Variants in KDM4B observed in about 807,000 individuals in gnomAD.
The protein encoded by KDM4B is lysine demethylase 4B, also known as lysine-specific demethylase 4B.
A neutral mutation model predicts 125.2 loss-of-function variants in KDM4B; 32 were observed. The observed-to-expected ratio is 0.26, with a 90% confidence interval of 0.19 to 0.34. The LOEUF is 0.34. Among genes scored for constraint, KDM4B ranks in the 10% least tolerant of loss-of-function variants. The probability of loss-of-function intolerance (pLI) is 1.00; values close to 1 mark genes in which losing one functional copy is unlikely to be tolerated. For missense variants in KDM4B, 1,190 were observed against 1,577.7 expected (o/e 0.75, Z 4.16); for synonymous variants, 721 against 677.9 (o/e 1.06, Z -0.99).
intron 10 of KDM4B, chr19:5,119,276 C>T: frequency 1.7e-6 from 2 of 1,182,850 alleles, no homozygotes; most frequent in Admixed American, 2.0e-5. Context: ...GCTGCTGTTT[C>T]CCTCGGAGCT....
At position 5,131,332 on chromosome 19, in the gene KDM4B, C is replaced by T; in HGVS notation, c.1572C>T (p.Pro524=). 4 of 1,612,254 alleles carry T rather than the reference C, an allele frequency of 2.5e-6. No individual in the cohort carries two copies. The highest frequency in any genetic ancestry group is 2.5e-6 in the Non-Finnish European group (3 of 1,179,868). The part of the protein sequence containing the change: ...PSEELEAKPR[P]IIPMLYVVPR... ...AGGAGCTAGAGGCCAAGCCTCGGCC[C>T]ATCATCCCCATGCTGTACGTGGTGC... Residue 524 remains proline, a synonymous_variant, in exon 12 of 23, where the codon CCC becomes CCT. Coordinates refer to ENST00000159111, the MANE Select transcript of KDM4B (RefSeq NM_015015.3).
At chr19:5,032,541 C>T (rs1369938711) in intron 2 of KDM4B, among the ~76,000 whole-genome samples, 1 of 152,240 alleles carries the variant, frequency 6.6e-6, no homozygotes, top group Non-Finnish European at 1.5e-5. Flanking sequence ...GACGCTGACA[C>T]ACCTGTGGCG....
chr19:5,110,864 G>C (rs1308527183), intron 10 of KDM4B, 46 bp downstream of exon 10: 1 of 1,474,678 alleles, frequency 6.8e-7, no homozygotes. Context: ...CATCACGGGG[G>C]GTGGCCCTGC....
chr19:5,038,114 T>A (rs2036687590), intron 3 of KDM4B, among the ~76,000 whole-genome samples: 1 of 152,214 alleles, frequency 6.6e-6, no homozygotes, highest in Non-Finnish European at 1.5e-5. Context: ...TCCTGGCAGA[T>A]GAGCCGAAGC....
At chr19:4,994,046 ATTG>A (rs2035119411) in intron 1 of KDM4B, among the ~76,000 whole-genome samples, 3 of 82,680 alleles carry the variant, frequency 3.6e-5, no homozygotes, top group African/African-American at 9.7e-5. Flanking sequence ...TTTTTTTGTT[ATTG>A]TTGTTTTGTC....
At chr19:5,018,391 A>G (rs2035958641) in intron 2 of KDM4B, among the ~76,000 whole-genome samples, 1 of 152,174 alleles carries the variant, frequency 6.6e-6, no homozygotes, top group South Asian at 2.1e-4. Flanking sequence ...TGCAGCAACC[A>G]GGAGGTGCTA....
intron 18 of KDM4B, 155 bp downstream of exon 18, chr19:5,138,225 T>A: frequency 1.7e-6 from 1 of 604,184 alleles, no homozygotes; most frequent in Non-Finnish European, 2.9e-6. Flanking sequence ...TGATCCCGAC[T>A]TCAGCAGGTG....
At chr19:5,024,105 G>A (rs2036208726) in intron 2 of KDM4B, among the ~76,000 whole-genome samples, 1 of 152,122 alleles carries the variant, frequency 6.6e-6, no homozygotes, top group Admixed American at 6.5e-5. Context: ...GCCGCTGAGA[G>A]CCATCACCTG....
At chr19:4,989,575 A>T (rs1030773892) in intron 1 of KDM4B, among the ~76,000 whole-genome samples, 4 of 151,976 alleles carry the variant, frequency 2.6e-5, no homozygotes, top group African/African-American at 9.7e-5. Flanking sequence ...TCCTGACCTC[A>T]GGTGATCCGC....
chr19:5,116,235 TAAAAAAAAAAA>T lies in KDM4B; in HGVS notation c.1116-3400_1116-3390del, dbSNP rs35940660. The stretch of plus-strand genomic sequence containing the variant: ...GGGCAACATAGCAAGACCACATCTC[TAAAAAAAAAAA>T]AAAAAAAAAAAAAAAAATTATAAAG... On this transcript the variant is annotated intron_variant, in intron 10 of 22. Coordinates refer to ENST00000159111, the MANE Select transcript of KDM4B (RefSeq NM_015015.3). 5.6e-3 allele frequency among the ~76,000 whole-genome samples: 225 copies of T among 40,394 alleles called. 2 individuals are homozygous for T. The highest frequency in any genetic ancestry group is 0.016 in the African/African-American group (205 of 12,614). The allele number at this position is 40,394 out of a possible 152,430, so 26.5% of individuals were successfully genotyped here. A position where few individuals can be genotyped will look rare whatever the true frequency, so the allele number is the denominator to read the frequency against.
intron 2 of KDM4B, among the ~76,000 whole-genome samples, chr19:5,027,917 A>T (rs1031887356): frequency 2.6e-5 from 4 of 152,244 alleles, no homozygotes; most frequent in Admixed American, 2.6e-4. Context: ...TAAAGTGTCC[A>T]GTTCCACAGT....
rs1286091399 is a variant in KDM4B at position 5,110,523 on chromosome 19, G to A, written c.919-99G>A. The A allele has an allele frequency of 3.5e-6, 4 of 1,131,800 alleles. No individual in the cohort carries two copies. The African/African-American group carries it at 6.2e-5, about 17-fold the overall frequency. The allele number at this position is 1,131,800 out of a possible 1,614,324, so 70.1% of individuals were successfully genotyped here. A position where few individuals can be genotyped will look rare whatever the true frequency, so the allele number is the denominator to read the frequency against. On this transcript the variant is annotated intron_variant, in intron 9 of 22. Transcript: ENST00000159111. ...ATGCTCAGCGGTGGGATGGGGTGTGGGAGGCCCGGGCCGTGAGCCCTACCT... is the reference window on the plus strand; with the variant it reads ...ATGCTCAGCGGTGGGATGGGGTGTGAGAGGCCCGGGCCGTGAGCCCTACCT...
chr19:5,097,991 G>A (rs2038861293), intron 9 of KDM4B, among the ~76,000 whole-genome samples: 1 of 152,238 alleles, frequency 6.6e-6, no homozygotes, highest in Admixed American at 6.5e-5. Context: ...CAAGCTCTGT[G>A]GAAGGTTTCT....
intron 9 of KDM4B, among the ~76,000 whole-genome samples, chr19:5,102,858 C>T (rs1391095704): frequency 1.3e-5 from 2 of 152,206 alleles, no homozygotes; most frequent in Non-Finnish European, 2.9e-5. Flanking sequence ...TCTTCACGTC[C>T]GGTGCTGTGG....
chr19:5,124,812 T>C (rs189698545), intron 11 of KDM4B, among the ~76,000 whole-genome samples: 1 of 152,238 alleles, frequency 6.6e-6, no homozygotes, highest in African/African-American at 2.4e-5. Flanking sequence ...GTCAGAATGG[T>C]CTCCAACTCC....
Position 5,131,147 on chromosome 19 carries a change from C to A in KDM4B, c.1387C>A (p.Pro463Thr), listed in dbSNP as rs1438437933. 6.5e-7 allele frequency: 1 copy of A among 1,548,698 alleles called. No individual in the cohort carries two copies. The highest frequency in any genetic ancestry group is 1.2e-5 in the South Asian group (1 of 81,556). ...ERKKKSFGLLPPQLPPPPAHF... is the reference protein window; with the variant it reads ...ERKKKSFGLLTPQLPPPPAHF... ...GAAGAAGAAGAGCTTCGGCCTGCTGCCCCCACAGCTGCCGCCCCCGCCTGC... is the reference window on the plus strand; with the variant it reads ...GAAGAAGAAGAGCTTCGGCCTGCTGACCCCACAGCTGCCGCCCCCGCCTGC... Residue 463 changes from proline to threonine, a missense_variant, in exon 12 of 23, where the codon CCC becomes ACC. By Grantham distance (38) the Pro-to-Thr change is conservative. Transcript: ENST00000159111.
intron 10 of KDM4B, chr19:5,111,625 G>A (rs1167863426): frequency 1.0e-4 from 71 of 702,084 alleles, no homozygotes; most frequent in South Asian, 9.9e-4. Context: ...CACAGTTGTC[G>A]ACAGATCTCA....
chr19:5,138,110 T>A, intron 18 of KDM4B, 40 bp downstream of exon 18: 1 of 1,503,672 alleles, frequency 6.7e-7, no homozygotes, highest in Non-Finnish European at 9.2e-7. Context: ...CCCGTGCCTC[T>A]AGGGCTGCCG....
intron 5 of KDM4B, among the ~76,000 whole-genome samples, chr19:5,045,167 A>G (rs1255645539): frequency 1.3e-5 from 2 of 152,188 alleles, no homozygotes; most frequent in Admixed American, 1.3e-4. Context: ...TCCTAGCAGC[A>G]GCGAATGAAC....
Sources: allele counts gnomAD v4.1 joint callset (sites outside exome capture counted in the v4.1 genomes callset), GRCh38; gene constraint gnomAD v4.1.1; transcripts MANE v1.5; gene names NCBI Gene and HGNC (gene_info 2026-07-23, HGNC 2026-07-21).